HDHD5: variants seen among roughly 807,000 people sequenced by gnomAD.
HDHD5 encodes the protein haloacid dehalogenase like hydrolase domain containing 5.
A neutral mutation model predicts 35.5 loss-of-function variants in HDHD5; 34 were observed. That is an observed-to-expected ratio of 0.96 (90% CI 0.73 to 1.28). The LOEUF is 1.28. HDHD5 is among the 50% of genes most tolerant of loss of function. The pLI is 0.00. For synonymous variants in HDHD5, 248 were observed against 240.6 expected (o/e 1.03, Z -0.29); for missense variants, 589 against 560.2 (o/e 1.05, Z -0.52).
At chr22:17,142,340 T>C (rs2061609423) in intron 5 of HDHD5, 1 of 152,274 alleles carries the variant, frequency 6.6e-6, no homozygotes, top group South Asian at 2.1e-4. Context: ...CTATTTTACA[T>C]ACAATCACAA....
chr22:17,144,338 C>T (rs569133280), intron 4 of HDHD5, among the ~76,000 whole-genome samples: 73 of 151,848 alleles, frequency 4.8e-4, no homozygotes, highest in African/African-American at 1.7e-3. Flanking sequence ...CAGCCTCCAA[C>T]GCCTGGGCTC....
intron 1 of HDHD5, 29 bp downstream of exon 1, chr22:17,159,097 T>G: frequency 8.1e-7 from 1 of 1,237,890 alleles, no homozygotes; most frequent in East Asian, 3.1e-5. Context: ...GAGTGGCGAG[T>G]GGCTCGGCCA....
chr22:17,138,423 A>G (rs2061559924), intron 7 of HDHD5, 66 bp from the exon 8 acceptor site: 9 of 1,569,068 alleles, frequency 5.7e-6, no homozygotes, highest in Non-Finnish European at 7.8e-6. Context: ...GTTGCAAAGC[A>G]AAGGGAGCAG....
intron 1 of HDHD5, among the ~76,000 whole-genome samples, chr22:17,151,124 G>A (rs372381977): frequency 2.6e-5 from 4 of 152,202 alleles, no homozygotes; most frequent in South Asian, 2.1e-4. Context: ...CACTGGCAAC[G>A]TACTTTACCC....
intron 6 of HDHD5, 55 bp downstream of exon 6, chr22:17,141,004 A>G (rs2061593653): frequency 1.4e-6 from 2 of 1,474,648 alleles, no homozygotes; most frequent in African/African-American, 1.5e-5. Context: ...AGGACTGCCC[A>G]GGCAGCAGCC....
intron 1 of HDHD5, among the ~76,000 whole-genome samples, chr22:17,157,271 C>CTT (rs372356199): frequency 7.8e-4 from 106 of 136,696 alleles, no homozygotes; most frequent in Non-Finnish European, 1.2e-3. Flanking sequence ...GGTTAATTTT[C>CTT]TTTTTTTTTT....
upstream of HDHD5, among the ~76,000 whole-genome samples, chr22:17,164,220 CAGAAAAAA>C (rs1285914374): frequency 6.8e-5 from 5 of 73,344 alleles, no homozygotes; most frequent in Admixed American, 3.4e-4. Context: ...GACTCCATCT[CAGAAAAAA>C]AAAAAAAAAA....
intron 1 of HDHD5, among the ~76,000 whole-genome samples, chr22:17,152,230 T>C (rs1303902214): frequency 2.0e-5 from 3 of 152,020 alleles, no homozygotes; most frequent in Admixed American, 1.3e-4. Context: ...ACCTGAACTA[T>C]AGAAAAAAAT....
chr22:17,141,429 AAGG>A, intron 5 of HDHD5, 196 bp from the exon 6 acceptor site: 1 of 1,360,780 alleles, frequency 7.3e-7, no homozygotes, highest in South Asian at 1.9e-5. Flanking sequence ...AGGGCCCAGG[AAGG>A]AGATTCCTGA....
intron 1 of HDHD5, among the ~76,000 whole-genome samples, chr22:17,150,964 C>T (rs923058880): frequency 6.6e-6 from 1 of 152,202 alleles, no homozygotes; most frequent in Non-Finnish European, 1.5e-5. Context: ...AAAAATAATG[C>T]TACAAGGAAC....
At chr22:17,162,982 AC>A (rs2061873103), upstream of HDHD5, among the ~76,000 whole-genome samples, 1 of 152,206 alleles carries the variant, frequency 6.6e-6, no homozygotes, top group African/African-American at 2.4e-5. Context: ...CAGTCATGTT[AC>A]GACACAATCA....
intron 1 of HDHD5, among the ~76,000 whole-genome samples, chr22:17,155,164 A>C (rs2061773713): frequency 6.6e-6 from 1 of 151,964 alleles, no homozygotes; most frequent in Non-Finnish European, 1.5e-5. Context: ...CATTTGTACA[A>C]TGGTTGCAAA....
At chr22:17,157,081 CACAT>C (rs773687434) in intron 1 of HDHD5, among the ~76,000 whole-genome samples, 22 of 102,358 alleles carry the variant, frequency 2.1e-4, no homozygotes, top group East Asian at 1.3e-3. Flanking sequence ...CCGTCTCACA[CACAT>C]ACACACACAC....
chr22:17,144,921 A>T, intron 4 of HDHD5, 103 bp downstream of exon 4: 1 of 1,385,260 alleles, frequency 7.2e-7, no homozygotes, highest in Non-Finnish European at 1.0e-6. Flanking sequence ...GCATGGACAA[A>T]TCACAGCTCT....
At chr22:17,148,788 C>T (rs1484034109) in intron 2 of HDHD5, among the ~76,000 whole-genome samples, 1 of 152,160 alleles carries the variant, frequency 6.6e-6, no homozygotes, top group Non-Finnish European at 1.5e-5. Context: ...CCAGAAATGC[C>T]ACAGATGTGG....
chr22:17,159,372 C>G, upstream of HDHD5: 1 of 1,157,878 alleles, frequency 8.6e-7, no homozygotes, highest in South Asian at 1.3e-5. Flanking sequence ...CCTGTAAGCG[C>G]GCGGAGCCCG....
rs2123854239 is a variant in HDHD5 at position 17,143,224 on chromosome 22, G to A, written c.538-93C>T. ...CCTCCAGGGTGCTGGGAGGGGAGGG[G>A]AGACACACTCCACAGACCCCACACC... is the stretch of plus-strand genomic sequence containing the variant. On this transcript the variant is annotated intron_variant, in intron 4 of 7. Coordinates refer to ENST00000336737, the MANE Select transcript of HDHD5 (RefSeq NM_033070.3). 4 of 1,380,518 alleles carry A rather than the reference G, an allele frequency of 2.9e-6. No individual in the cohort carries two copies. In the Middle Eastern group the frequency reaches 7.0e-4, roughly 240 times the overall value. 85.5% of individuals were successfully genotyped at this position (1,380,518 alleles called of 1,614,324 possible).
upstream of HDHD5, among the ~76,000 whole-genome samples, chr22:17,160,505 C>T (rs2061855533): frequency 6.6e-6 from 1 of 151,912 alleles, no homozygotes; most frequent in African/African-American, 2.4e-5. Flanking sequence ...AAAAATTAGC[C>T]AGGCGCGGTG....
upstream of HDHD5, among the ~76,000 whole-genome samples, chr22:17,160,981 G>A (rs1169444027): frequency 6.6e-6 from 1 of 152,036 alleles, no homozygotes; most frequent in Non-Finnish European, 1.5e-5. Flanking sequence ...ATAGCCAGGC[G>A]CGGTGGCTCA....
Sources: gnomAD v4.1 joint callset for allele counts (sites outside exome capture counted in the v4.1 genomes callset) on GRCh38, gnomAD v4.1.1 for gene constraint, MANE v1.5 for transcripts, NCBI Gene and HGNC (gene_info 2026-07-23, HGNC 2026-07-21) for gene names.